The following CRACD variants were observed in gnomAD, a reference collection of about 807,000 sequenced individuals.
CRACD encodes capping protein-inhibiting regulator of actin dynamics.
A neutral mutation model predicts 106.8 loss-of-function variants in CRACD; 56 were observed. The observed-to-expected ratio is 0.52, with a 90% CI of 0.42 to 0.66. CRACD has a LOEUF of 0.66. Ranked by LOEUF, CRACD falls within the 30% of genes least tolerant of loss-of-function variation. The pLI, the probability that CRACD is intolerant of heterozygous loss-of-function variation, is 0.00. For synonymous variants in CRACD, 754 were observed against 670.8 expected (o/e 1.12, Z -1.92); for missense variants, 1,730 against 1,623.2 (o/e 1.07, Z -1.13).
rs1341154147 is a variant in CRACD, at chr4:56,179,821, C to G, written c.-189+391C>G. On this transcript the variant is annotated intron_variant, in intron 2 of 10. Coordinates refer to ENST00000682029, the MANE Select transcript of CRACD (RefSeq NM_001393381.1). The stretch of plus-strand genomic sequence containing the variant: ...TCACTTGAGGTCAGGAGTTCGAGAC[C>G]AGGCTGGCTGACATGCTGAAACCCA... 2.6e-5 allele frequency among the ~76,000 whole-genome samples: 4 copies of G among 152,002 alleles called. No individual in the cohort carries two copies. In the East Asian group the frequency reaches 7.7e-4, roughly 29 times the overall value.
At chr4:56,172,482 GAC>G (rs1422130049) in intron 1 of CRACD, among the ~76,000 whole-genome samples, 1 of 152,154 alleles carries the variant, frequency 6.6e-6, no homozygotes, top group East Asian at 1.9e-4. Context: ...CTTTTTTTGA[GAC>G]AGAGTTTCGC....
intron 6 of CRACD, 64 bp downstream of exon 6, chr4:56,310,798 CT>C (rs370254619): frequency 0.33 from 258,100 of 776,514 alleles, 28,295 homozygotes; most frequent in Middle Eastern, 0.39. Context: ...TTCCCCCCCC[CT>C]TTTTTTTTTT....
chr4:56,314,523 C>A lies in CRACD; in HGVS notation c.1021C>A (p.Leu341Met). 6.6e-7 allele frequency: 1 copy of A among 1,511,844 alleles called. No homozygotes were observed. The highest frequency in any genetic ancestry group is 8.8e-7 in the Non-Finnish European group (1 of 1,133,292). 93.7% of individuals were successfully genotyped at this position (1,511,844 alleles called of 1,614,324 possible). A position where few individuals can be genotyped will look rare whatever the true frequency, so the allele number is the denominator to read the frequency against. ...ERRRLEEDAR[L>M]EERRRQEEEE... The stretch of plus-strand genomic sequence containing the variant: ...GCGGCGGCTGGAGGAGGACGCCAGG[C>A]TGGAGGAGCGGAGGCGGCAGGAGGA... Residue 341 changes from leucine to methionine, a missense_variant, in exon 8 of 11, where the codon CTG (leucine) becomes ATG (methionine). By Grantham distance (15) the Leu-to-Met change is conservative (BLOSUM62 2). Transcript: ENST00000682029. The surrounding 1 kb of genome is among the most constrained non-coding windows in gnomAD (Gnocchi z 4.4).
At chr4:56,257,405 G>T (rs1052918691) in intron 2 of CRACD, among the ~76,000 whole-genome samples, 20 of 151,796 alleles carry the variant, frequency 1.3e-4, no homozygotes, top group African/African-American at 4.8e-4. Context: ...TAATGGCCCT[G>T]TGGGCTGGGT....
chr4:56,134,715 T>C (rs1314435655), intron 1 of CRACD, among the ~76,000 whole-genome samples: 1 of 152,032 alleles, frequency 6.6e-6, no homozygotes, highest in Non-Finnish European at 1.5e-5. Context: ...AGCCAGGAAT[T>C]TGGGGAGAAG....
At chr4:56,244,193 C>T (rs913410148) in intron 2 of CRACD, among the ~76,000 whole-genome samples, 4 of 152,042 alleles carry the variant, frequency 2.6e-5, no homozygotes, top group Non-Finnish European at 5.9e-5. Flanking sequence ...GTAGCCCTGG[C>T]TCCCATCAAA....
At chr4:56,146,936 C>T (rs1735402523) in intron 1 of CRACD, among the ~76,000 whole-genome samples, 1 of 152,132 alleles carries the variant, frequency 6.6e-6, no homozygotes, top group Admixed American at 6.5e-5. Context: ...AAAGGAACCA[C>T]CTGCTCCTTC....
intron 1 of CRACD, among the ~76,000 whole-genome samples, chr4:56,125,398 AT>A (rs1296377430): frequency 1.3e-5 from 2 of 151,912 alleles, no homozygotes; most frequent in Non-Finnish European, 2.9e-5. Context: ...TGGATTTTAA[AT>A]TTTTTTATTA....
intron 2 of CRACD, among the ~76,000 whole-genome samples, chr4:56,247,498 TC>T (rs1215446641): frequency 6.6e-6 from 1 of 152,130 alleles, no homozygotes; most frequent in African/African-American, 2.4e-5. Flanking sequence ...CTTCCTCTCT[TC>T]CAGTAGTTGG....
intron 1 of CRACD, among the ~76,000 whole-genome samples, chr4:56,176,503 A>G (rs538868793): frequency 1.4e-5 from 2 of 145,388 alleles, no homozygotes; most frequent in East Asian, 4.0e-4. Context: ...ATCTCTGCTG[A>G]CTGCAAGCTC....
chr4:56,103,107 A>G (rs189130906), intron 1 of CRACD, among the ~76,000 whole-genome samples: 59 of 152,284 alleles, frequency 3.9e-4, no homozygotes, highest in Non-Finnish European at 6.9e-4. Flanking sequence ...CCTGAACTCA[A>G]TAAATATTTG....
intron 1 of CRACD, among the ~76,000 whole-genome samples, chr4:56,133,531 T>C (rs1197655867): frequency 6.6e-6 from 1 of 152,206 alleles, no homozygotes; most frequent in Admixed American, 6.5e-5. Flanking sequence ...ATTACTCAGT[T>C]CAACAATATT....
chr4:56,279,823 G>A (rs1389964294), intron 3 of CRACD, among the ~76,000 whole-genome samples: 1 of 152,032 alleles, frequency 6.6e-6, no homozygotes, highest in African/African-American at 2.4e-5. Flanking sequence ...AAATCATGCG[G>A]CTCTAAAGAC....
At chr4:56,282,600 C>T (rs967799841) in intron 3 of CRACD, among the ~76,000 whole-genome samples, 39 of 152,202 alleles carry the variant, frequency 2.6e-4, no homozygotes, top group Admixed American at 8.5e-4. Flanking sequence ...GGTTGGTTGA[C>T]GAAATGGCCC....
chr4:56,224,345 G>A (rs531397389), intron 2 of CRACD, among the ~76,000 whole-genome samples: 25 of 152,004 alleles, frequency 1.6e-4, no homozygotes, highest in African/African-American at 5.8e-4. Flanking sequence ...TTGTTGTGTT[G>A]GCTGCTATAC....
Position 56,330,246 on chromosome 4 carries a change from A to G in CRACD, c.*2442A>G, listed in dbSNP as rs541252022. Among the ~76,000 whole-genome samples, 15 of 151,416 alleles carry G rather than the reference A, an allele frequency of 9.9e-5. No individual in the cohort carries two copies. Among genetic ancestry groups the G allele is most frequent in the Non-Finnish European group, 1.5e-4 (10 of 67,948 alleles). On this transcript the variant is annotated 3_prime_UTR_variant, in exon 11 of 11. Transcript: ENST00000682029. ...ACTTCTCCTGGCAAGGTTATAGATG[A>G]TTAACCTCTGTTCATAGACTTATAT...
At chr4:56,071,656 T>C (rs1732651553) in intron 1 of CRACD, among the ~76,000 whole-genome samples, 1 of 151,978 alleles carries the variant, frequency 6.6e-6, no homozygotes, top group African/African-American at 2.4e-5. Context: ...ATTACAGATG[T>C]GTGCCACCAC....
At chr4:56,258,749 C>A (rs1334804481) in intron 2 of CRACD, among the ~76,000 whole-genome samples, 1 of 152,042 alleles carries the variant, frequency 6.6e-6, no homozygotes, top group African/African-American at 2.4e-5. Flanking sequence ...GACCAGAGGT[C>A]AAGTCTATAC....
At chr4:56,056,096 A>G (rs915844969) in intron 1 of CRACD, among the ~76,000 whole-genome samples, 4 of 152,208 alleles carry the variant, frequency 2.6e-5, no homozygotes, top group African/African-American at 9.6e-5. Flanking sequence ...GAGATGTCTC[A>G]TTCATTCAGT....
Sources: allele counts gnomAD v4.1 joint callset (sites outside exome capture counted in the v4.1 genomes callset), GRCh38; gene constraint gnomAD v4.1.1; non-coding constraint Gnocchi (gnomAD v3.1); transcripts MANE v1.5; gene names NCBI Gene and HGNC (gene_info 2026-07-23, HGNC 2026-07-21).